TRPV2: variants seen among roughly 807,000 people sequenced by gnomAD.
TRPV2 encodes OTRPC2.
A neutral mutation model predicts 91.0 loss-of-function variants in TRPV2; 58 were observed. The ratio of observed to expected loss-of-function variants is 0.64; its 90% CI spans 0.52 to 0.79. The LOEUF (loss-of-function observed/expected upper bound fraction) is 0.79. Ranked by LOEUF, TRPV2 falls within the 30% of genes least tolerant of loss-of-function variation. TRPV2 has a pLI of 0.00. For synonymous variants in TRPV2, 417 were observed against 414.8 expected (o/e 1.01, Z -0.06); for missense variants, 807 against 969.6 (o/e 0.83, Z 2.23).
intron 12 of TRPV2, 115 bp downstream of exon 12, chr17:16,432,415 T>A: frequency 3.6e-6 from 3 of 839,544 alleles, no homozygotes; most frequent in Non-Finnish European, 5.4e-6. Flanking sequence ...GTTGGGCAGC[T>A]CTACCTTGTC....
At position 16,433,661 on chromosome 17, in the gene TRPV2, A is replaced by G. The variant is rs766624535; in HGVS notation, c.2077A>G (p.Lys693Glu). Residue 693 changes from lysine (K) to glutamate (E), a missense_variant, in exon 13 of 15, where the codon AAG becomes GAG. Coordinates refer to ENST00000338560, the MANE Select transcript of TRPV2 (RefSeq NM_016113.5). ...AGGTGTGATGCTGACCGTTGGCACT[A>G]AGCCAGATGGCAGCCCCGATGAGCG... is the stretch of plus-strand genomic sequence containing the variant. ...RAGVMLTVGT[K>E]PDGSPDERWC... 1 of 1,614,120 alleles carries G rather than the reference A, an allele frequency of 6.2e-7. No individual in the cohort carries two copies. The highest frequency in any genetic ancestry group is 1.1e-5 in the South Asian group (1 of 91,084).
chr17:16,422,250 G>C (rs905404808), intron 3 of TRPV2, among the ~76,000 whole-genome samples: 2 of 150,892 alleles, frequency 1.3e-5, no homozygotes, highest in East Asian at 2.0e-4. Flanking sequence ...GTGAACCTGG[G>C]AGGCAGAGCT....
In TRPV2 at chr17:16,426,001, C is replaced by T. The variant is rs1299178179; in HGVS notation, c.925-98C>T. On this transcript the variant is annotated intron_variant, in intron 5 of 14. Transcript: ENST00000338560. This position sits in a 1 kb window ranked among gnomAD's most constrained non-coding sequence, Gnocchi z 6.0. ...CACGTGTCAGCTGCAGCTCTGCAGACCGTGGGCAGCTGCTGAGTCCTGGGT... is the reference window on the plus strand; with the variant it reads ...CACGTGTCAGCTGCAGCTCTGCAGATCGTGGGCAGCTGCTGAGTCCTGGGT... 5.8e-6 allele frequency: 8 copies of T among 1,371,628 alleles called. No homozygotes were observed. The African/African-American group carries it at 1.1e-4, about 19-fold the overall frequency. 85.0% of individuals were successfully genotyped at this position (1,371,628 alleles called of 1,614,324 possible).
chr17:16,431,043 TTTTTTTG>T (rs562124536), intron 10 of TRPV2, among the ~76,000 whole-genome samples: 2,839 of 150,564 alleles, frequency 0.019, 80 homozygotes, highest in African/African-American at 0.066. Flanking sequence ...GAAGGTTTTT[TTTTTTTG>T]TTTTTTGTTT....
At chr17:16,425,964 T>C in intron 5 of TRPV2, 135 bp from the exon 6 acceptor site, 1 of 883,662 alleles carries the variant, frequency 1.1e-6, no homozygotes, top group Non-Finnish European at 1.8e-6. Flanking sequence ...CCTGCGTGTA[T>C]GGGGGTACGT....
intron 2 of TRPV2, among the ~76,000 whole-genome samples, chr17:16,419,029 CAA>C (rs746511644): frequency 2.0e-4 from 26 of 130,126 alleles, no homozygotes; most frequent in Admixed American, 3.1e-4. Flanking sequence ...ACTCTGTCTC[CAA>C]AAAAAAAAAA....
chr17:16,432,301 G>A lies in TRPV2; in HGVS notation c.1989+1G>A. The A allele has an allele frequency of 1.2e-6, 2 of 1,600,378 alleles. No homozygotes were observed. The highest frequency in any genetic ancestry group is 1.7e-6 in the Non-Finnish European group (2 of 1,170,238). ...CAGCTGGAGCATCTGGAAGCTGCAGGTGCCACCAGAGAGGCTCCCTGCCCC... is the reference window on the plus strand; with the variant it reads ...CAGCTGGAGCATCTGGAAGCTGCAGATGCCACCAGAGAGGCTCCCTGCCCC... On this transcript the variant is annotated splice_donor_variant, in intron 12 of 14. Coordinates refer to ENST00000338560, the MANE Select transcript of TRPV2 (RefSeq NM_016113.5). LOFTEE classifies it high-confidence loss of function.
chr17:16,417,591 C>G lies in TRPV2; in HGVS notation c.-78C>G, dbSNP rs962516249. The stretch of plus-strand genomic sequence containing the variant: ...CAGTCAGGCCAACACCGACGCGCAG[C>G]TGGGAGGAAGACAGGACCCTTGACA... On this transcript the variant is annotated 5_prime_UTR_variant, in exon 2 of 15. Transcript: ENST00000338560. 6.6e-6 allele frequency: 10 copies of G among 1,504,752 alleles called. No homozygotes were observed. Among genetic ancestry groups the G allele is most frequent in the Non-Finnish European group, 9.2e-6 (10 of 1,089,032 alleles). The allele number at this position is 1,504,752 out of a possible 1,614,324, so 93.2% of individuals were successfully genotyped here.
chr17:16,431,704 TGCTGTGGGTGAGGCAGGGTTCTGGG>T, intron 10 of TRPV2, 55 bp from the exon 11 acceptor site: 1 of 1,303,334 alleles, frequency 7.7e-7, no homozygotes, highest in Non-Finnish European at 1.1e-6. Flanking sequence ...GGAACCATGC[TGCTGTGGGTGAGGCAGGGTTCTGGG>T]GTCGTGACTG....
Position 16,434,871 on chromosome 17 carries a change from G to T in TRPV2, c.2115-19G>T. On this transcript the variant is annotated intron_variant, in intron 13 of 14. Transcript: ENST00000338560. ...GCGGTCAAAGCAGGCAAACCTCAGA[G>T]CTGCTCTGTTGCCCTCAGGGTGGAG... 6.2e-7 allele frequency: 1 copy of T among 1,609,614 alleles called. No homozygotes were observed. The highest frequency in any genetic ancestry group is 1.3e-5 in the African/African-American group (1 of 74,900).
chr17:16,429,242 C>G (rs1242651399), intron 10 of TRPV2, among the ~76,000 whole-genome samples: 1 of 152,186 alleles, frequency 6.6e-6, no homozygotes, highest in Non-Finnish European at 1.5e-5. Flanking sequence ...AAGCAAGGAG[C>G]AAAGAATATG....
intron 3 of TRPV2, 56 bp downstream of exon 3, chr17:16,420,304 G>A (rs2093350911): frequency 6.4e-7 from 1 of 1,565,406 alleles, no homozygotes; most frequent in Non-Finnish European, 8.7e-7. Context: ...ATAGTTAGGT[G>A]GGCTGTGTGG....
At position 16,434,925 on chromosome 17, in the gene TRPV2, C is replaced by CGCTGCCT; in HGVS notation, c.2151_2157dup (p.Thr720AlafsTer6). On this transcript the variant is annotated frameshift_variant, in exon 14 of 15. Coordinates refer to ENST00000338560, the MANE Select transcript of TRPV2 (RefSeq NM_016113.5). LOFTEE classifies it high-confidence loss of function. ...GTGAACTGGGCTTCATGGGAGCAGA[C>CGCTGCCT]GCTGCCTACGCTGTGTGAGGACCCG... 6.2e-7 allele frequency: 1 copy of CGCTGCCT among 1,611,922 alleles called. No homozygotes were observed. The highest frequency in any genetic ancestry group is 8.5e-7 in the Non-Finnish European group (1 of 1,179,168).
intron 5 of TRPV2, among the ~76,000 whole-genome samples, chr17:16,423,994 AT>A (rs1055264913): frequency 5.0e-4 from 73 of 147,436 alleles, no homozygotes; most frequent in African/African-American, 1.0e-3. Flanking sequence ...AAACATTGAG[AT>A]TTTTTTTTTT....
Position 16,435,563 on chromosome 17 carries a change from G to A in TRPV2, c.2194+594G>A, listed in dbSNP as rs1173274315. Among the ~76,000 whole-genome samples, 1 of 151,972 alleles carries A rather than the reference G, an allele frequency of 6.6e-6. No homozygotes were observed. Among genetic ancestry groups the A allele is most frequent in the Non-Finnish European group, 1.5e-5 (1 of 67,986 alleles). On this transcript the variant is annotated intron_variant, in intron 14 of 14. Coordinates refer to ENST00000338560, the MANE Select transcript of TRPV2 (RefSeq NM_016113.5). The surrounding 1 kb of genome is among the most constrained non-coding windows in gnomAD (Gnocchi z 4.2). ...CCACCCTGCTGCCTCCACCAAGACT[G>A]GTTCCTTCCTCCCACCCTCAGAGGC...
At chr17:16,434,467 CAA>C (rs10634588) in intron 13 of TRPV2, among the ~76,000 whole-genome samples, 10 of 109,714 alleles carry the variant, frequency 9.1e-5, no homozygotes, top group Admixed American at 3.0e-4. Flanking sequence ...GACTCCATCT[CAA>C]AAAAAAAAAA....
intron 5 of TRPV2, among the ~76,000 whole-genome samples, chr17:16,425,674 C>T (rs1243601485): frequency 3.9e-5 from 6 of 152,146 alleles, no homozygotes; most frequent in South Asian, 2.1e-4. Context: ...ATTCCTCACG[C>T]GTGAAACCAG....
In TRPV2 at chr17:16,435,039, G is replaced by C; in HGVS notation, c.2194+70G>C. The C allele has an allele frequency of 7.1e-7, 1 of 1,405,182 alleles. No individual in the cohort carries two copies. Among genetic ancestry groups the C allele is most frequent in the East Asian group, 2.5e-5 (1 of 40,190 alleles). 87.0% of individuals were successfully genotyped at this position (1,405,182 alleles called of 1,614,324 possible). ...TCTGCTGCTTGGCCACAAAGCCTTG[G>C]AGAGTCTGGGGCAGGACCCAGAGAC... On this transcript the variant is annotated intron_variant, in intron 14 of 14. Coordinates refer to ENST00000338560, the MANE Select transcript of TRPV2 (RefSeq NM_016113.5). This position sits in a 1 kb window ranked among gnomAD's most constrained non-coding sequence, Gnocchi z 4.2.
Position 16,426,627 on chromosome 17 carries a change from C to T in TRPV2, c.1096-95C>T. The T allele has an allele frequency of 6.9e-7, 1 of 1,453,348 alleles. No homozygotes were observed. The highest frequency in any genetic ancestry group is 9.3e-7 in the Non-Finnish European group (1 of 1,075,910). The allele number at this position is 1,453,348 out of a possible 1,614,324, so 90.0% of individuals were successfully genotyped here. On this transcript the variant is annotated intron_variant, in intron 6 of 14. Transcript: ENST00000338560. The surrounding 1 kb of genome is among the most constrained non-coding windows in gnomAD (Gnocchi z 6.0). ...GGAAGCCTGCTCCCTGTCCTCTCTC[C>T]TCATTTCCTGGGCCCTTGCTTTGAT...
Sources: gnomAD v4.1 joint callset for allele counts (sites outside exome capture counted in the v4.1 genomes callset) on GRCh38, gnomAD v4.1.1 for gene constraint, Gnocchi (gnomAD v3.1) non-coding constraint, MANE v1.5 for transcripts, NCBI Gene and HGNC (gene_info 2026-07-23, HGNC 2026-07-21) for gene names.